The following RELN variants were observed in gnomAD, a reference collection of about 807,000 sequenced individuals.
The protein encoded by RELN is reelin.
In RELN, 108 loss-of-function variants were observed where a neutral mutation model predicts 427.6. The ratio of observed to expected loss-of-function variants is 0.25; its 90% CI spans 0.22 to 0.30. RELN has a LOEUF of 0.30. Among genes scored for constraint, RELN ranks in the 10% least tolerant of loss-of-function variants. The probability of loss-of-function intolerance (pLI) is 1.00; values close to 1 mark genes in which losing one functional copy is unlikely to be tolerated. For synonymous variants in RELN, 1,524 were observed against 1,513.4 expected (o/e 1.01, Z -0.16); for missense variants, 3,715 against 4,302.8 (o/e 0.86, Z 3.82).
chr7:103,634,891 G>A (rs1584363227), intron 19 of RELN, among the ~76,000 whole-genome samples: 1 of 151,268 alleles, frequency 6.6e-6, no homozygotes, highest in African/African-American at 2.4e-5. Flanking sequence ...AGACAGTCTC[G>A]CTCTGTCGCC....
chr7:103,838,208 CAAAAAAAAA>C (rs58553259), intron 2 of RELN, among the ~76,000 whole-genome samples: 150 of 81,116 alleles, frequency 1.8e-3, no homozygotes, highest in Middle Eastern at 0.011. Context: ...GACTTCGTCT[CAAAAAAAAA>C]AAAAAAAAAA....
intron 58 of RELN, 73 bp downstream of exon 58, chr7:103,491,852 TCTCTCACACACACACACACACACACACA>T: frequency 4.6e-6 from 2 of 435,148 alleles, no homozygotes; most frequent in Non-Finnish European, 3.9e-6. Context: ...TCTCTCTCTC[TCTCTCACACACACACACACACACACACA>T]CACACACACA....
At chr7:103,793,332 C>T (rs1038499213) in intron 3 of RELN, among the ~76,000 whole-genome samples, 1 of 152,170 alleles carries the variant, frequency 6.6e-6, no homozygotes, top group African/African-American at 2.4e-5. Flanking sequence ...AAGTATATTC[C>T]AAAGCAGTCA....
chr7:103,708,546 A>T, intron 8 of RELN, among the ~76,000 whole-genome samples: 2 of 145,686 alleles, frequency 1.4e-5, no homozygotes, highest in Non-Finnish European at 3.0e-5. Flanking sequence ...TCACTGCAAG[A>T]TCCGCCTCCC....
intron 36 of RELN, among the ~76,000 whole-genome samples, chr7:103,560,086 T>C (rs1424563909): frequency 6.6e-6 from 1 of 152,236 alleles, no homozygotes; most frequent in African/African-American, 2.4e-5. Context: ...GCATTTTATA[T>C]TGATATTTAT....
intron 2 of RELN, among the ~76,000 whole-genome samples, chr7:103,869,758 C>T (rs1250643545): frequency 1.3e-5 from 2 of 152,138 alleles, no homozygotes; most frequent in South Asian, 4.1e-4. Context: ...ATAACATTTG[C>T]TGAGCTTCTT....
At chr7:103,507,706 G>A (rs966048243) in intron 51 of RELN, among the ~76,000 whole-genome samples, 44 of 152,088 alleles carry the variant, frequency 2.9e-4, no homozygotes, top group Middle Eastern at 3.4e-3. Flanking sequence ...AGGAGATAGA[G>A]ACACAAAATA....
chr7:103,580,158 G>T (rs1276367847), intron 28 of RELN, among the ~76,000 whole-genome samples: 1 of 152,204 alleles, frequency 6.6e-6, no homozygotes, highest in Non-Finnish European at 1.5e-5. Context: ...AAGCATGTTT[G>T]CCTCATGGCA....
At chr7:103,760,509 T>C (rs1045374114) in intron 4 of RELN, among the ~76,000 whole-genome samples, 8 of 152,138 alleles carry the variant, frequency 5.3e-5, no homozygotes, top group African/African-American at 1.2e-4. Flanking sequence ...AGCCAACTTG[T>C]TGAACAAATT....
chr7:103,754,021 A>G (rs1163987326), intron 4 of RELN, among the ~76,000 whole-genome samples: 1 of 152,158 alleles, frequency 6.6e-6, no homozygotes, highest in African/African-American at 2.4e-5. Context: ...TTTGATACTC[A>G]ATTCAGTTAC....
chr7:103,598,734 A>AT (rs1457382205), intron 24 of RELN, among the ~76,000 whole-genome samples: 2 of 152,220 alleles, frequency 1.3e-5, no homozygotes, highest in African/African-American at 4.8e-5. Flanking sequence ...TTCCTAGAGA[A>AT]TAGCACAAAT....
intron 1 of RELN, among the ~76,000 whole-genome samples, chr7:103,949,460 G>A (rs745610172): frequency 5.9e-5 from 9 of 151,792 alleles, no homozygotes; most frequent in East Asian, 3.9e-4. Flanking sequence ...GGTCATAAAC[G>A]AGGAGCCCTC....
At chr7:103,807,766 C>A (rs778036362) in intron 3 of RELN, among the ~76,000 whole-genome samples, 1 of 152,116 alleles carries the variant, frequency 6.6e-6, no homozygotes, top group Non-Finnish European at 1.5e-5. Flanking sequence ...TCCAGCTGCA[C>A]CCATGTTGCT....
chr7:103,522,026 C>T lies in RELN; in HGVS notation c.7664G>A (p.Ser2555Asn). The change falls in exon 48 of 65, where the codon AGT becomes AAT. Residue 2555 changes from serine (S) to asparagine (N), a missense_variant. Ser to Asn is a conservative substitution (Grantham distance 46, BLOSUM62 1). Coordinates refer to ENST00000428762, the MANE Select transcript of RELN (RefSeq NM_005045.4). The part of the protein sequence containing the change: ...AVASGMALHF[S>N]GGCSRLLVTV... ...AACCAGCAGCCAAACACTCACCCCACTGAAATGGAGAGCCATTCCCGACGC... is the reference window on the plus strand; with the variant it reads ...AACCAGCAGCCAAACACTCACCCCATTGAAATGGAGAGCCATTCCCGACGC... 1 of 1,614,142 alleles carries T rather than the reference C, an allele frequency of 6.2e-7. No homozygotes were observed. Among genetic ancestry groups the T allele is most frequent in the Non-Finnish European group, 8.5e-7 (1 of 1,179,994 alleles).
chr7:103,618,407 C>G (rs1832133519), intron 20 of RELN, among the ~76,000 whole-genome samples: 2 of 152,032 alleles, frequency 1.3e-5, no homozygotes, highest in Admixed American at 1.3e-4. Flanking sequence ...AGCTACAGCT[C>G]CAAACAAATT....
chr7:103,817,937 CAAAAAAAAAAAAAAAAAAA>C (rs71154371), intron 3 of RELN, among the ~76,000 whole-genome samples: 1 of 36,020 alleles, frequency 2.8e-5, no homozygotes, highest in Admixed American at 4.3e-4. Context: ...GACTCCATCT[CAAAAAAAAAAAAAAAAAAA>C]AAAAAGAAAA....
At position 103,809,953 on chromosome 7, in the gene RELN, A is replaced by T. The variant is rs531430314; in HGVS notation, c.473+23584T>A. Among the ~76,000 whole-genome samples, 213 of 152,288 alleles carry T rather than the reference A, an allele frequency of 1.4e-3. 1 individual carries two copies. Among genetic ancestry groups the T allele is most frequent in the African/African-American group, 5.0e-3 (209 of 41,560 alleles). On this transcript the variant is annotated intron_variant, in intron 3 of 64. Transcript: ENST00000428762. ...GAGACTCATATTTTTTAACCCACTA[A>T]AACTCAAGTTTTCTCTTGTGTGCAG...
At chr7:103,737,889 A>G (rs998514346) in intron 6 of RELN, among the ~76,000 whole-genome samples, 1 of 152,020 alleles carries the variant, frequency 6.6e-6, no homozygotes, top group Admixed American at 6.6e-5. Flanking sequence ...ACCTTTCTGT[A>G]TCATTATCCA....
At chr7:103,808,037 C>T (rs1405400516) in intron 3 of RELN, among the ~76,000 whole-genome samples, 1 of 152,130 alleles carries the variant, frequency 6.6e-6, no homozygotes, top group African/African-American at 2.4e-5. Flanking sequence ...TCTTCCTCCT[C>T]TTGGATTTCA....
Sources: allele counts gnomAD v4.1 joint callset (sites outside exome capture counted in the v4.1 genomes callset), GRCh38; gene constraint gnomAD v4.1.1; transcripts MANE v1.5; gene names NCBI Gene and HGNC (gene_info 2026-07-23, HGNC 2026-07-21).